Variants in HSDL2 observed in about 807,000 individuals in gnomAD.
HSDL2 encodes the protein hydroxysteroid dehydrogenase-like protein 2.
HSDL2 carries 27 observed loss-of-function variants against 46.3 expected under a neutral mutation model. That is an observed-to-expected ratio of 0.58 (90% CI 0.43 to 0.80). The LOEUF is 0.80. HSDL2 is among the 30% of genes least tolerant of loss of function. The pLI is 0.00. For synonymous variants in HSDL2, 153 were observed against 163.6 expected (o/e 0.94, Z 0.50); for missense variants, 451 against 502.7 (o/e 0.90, Z 0.98).
intron 6 of HSDL2, among the ~76,000 whole-genome samples, chr9:112,432,666 G>A (rs1198604098): frequency 6.6e-6 from 1 of 152,198 alleles, no homozygotes; most frequent in Non-Finnish European, 1.5e-5. Context: ...TAGACATCTT[G>A]GAGCCAGTGA....
At chr9:112,413,399 C>A (rs1438860799) in intron 4 of HSDL2, among the ~76,000 whole-genome samples, 1 of 151,962 alleles carries the variant, frequency 6.6e-6, no homozygotes, top group Non-Finnish European at 1.5e-5. Context: ...GTTGCTTGAA[C>A]CCAAGAGGCA....
rs1310547329 is a variant in HSDL2, at chr9:112,416,828, C to T, written c.396-13C>T. The T allele has an allele frequency of 2.3e-6, 3 of 1,311,518 alleles. No homozygotes were observed. The highest frequency in any genetic ancestry group is 1.3e-5 in the South Asian group (1 of 79,728). The allele number at this position is 1,311,518 out of a possible 1,614,324, so 81.2% of individuals were successfully genotyped here. On this transcript the variant is annotated splice_polypyrimidine_tract_variant and intron_variant, in intron 4 of 10. Transcript: ENST00000398805. Reference sequence around the variant, plus strand: ...AGCTATTAAATTTGGCTTGTATTTTCTTTTGCTTTCAGATCTAAAGCATGT... The same window carrying T: ...AGCTATTAAATTTGGCTTGTATTTTTTTTTGCTTTCAGATCTAAAGCATGT...
At chr9:112,401,971 T>C (rs974515585) in intron 1 of HSDL2, among the ~76,000 whole-genome samples, 5 of 152,196 alleles carry the variant, frequency 3.3e-5, no homozygotes, top group African/African-American at 1.2e-4. Flanking sequence ...TAAAACCGCT[T>C]CCCACTTTTA....
intron 10 of HSDL2, 137 bp downstream of exon 10, chr9:112,459,714 T>C: frequency 1.5e-6 from 1 of 684,416 alleles, no homozygotes. Context: ...AAGGCTGTTC[T>C]TACTGTTGCC....
At chr9:112,439,694 G>A (rs745576576) in intron 7 of HSDL2, among the ~76,000 whole-genome samples, 15 of 152,168 alleles carry the variant, frequency 9.9e-5, no homozygotes, top group South Asian at 4.1e-4. Context: ...AGTAAATAGC[G>A]GATTATAGTT....
At chr9:112,449,341 C>T (rs1372681165) in intron 8 of HSDL2, among the ~76,000 whole-genome samples, 3 of 152,078 alleles carry the variant, frequency 2.0e-5, no homozygotes, top group African/African-American at 7.2e-5. Context: ...CCCACCTTGG[C>T]TTCCCAAAGT....
chr9:112,462,183 G>T (rs1420753691), intron 10 of HSDL2, among the ~76,000 whole-genome samples: 1 of 152,118 alleles, frequency 6.6e-6, no homozygotes, highest in Admixed American at 6.6e-5. Context: ...AAAAATTTAG[G>T]CCAGGCGTGG....
chr9:112,466,283 A>G (rs1833375121), intron 10 of HSDL2, among the ~76,000 whole-genome samples: 1 of 152,138 alleles, frequency 6.6e-6, no homozygotes, highest in South Asian at 2.1e-4. Flanking sequence ...GGCCAGGCGC[A>G]GTGGCTCACC....
intron 8 of HSDL2, among the ~76,000 whole-genome samples, chr9:112,448,967 A>G (rs1832813745): frequency 6.6e-6 from 1 of 150,996 alleles, no homozygotes; most frequent in Non-Finnish European, 1.5e-5. Flanking sequence ...GGCTTTTTAA[A>G]AAATAAAAAC....
chr9:112,436,290 A>G (rs1041856918), intron 6 of HSDL2, among the ~76,000 whole-genome samples: 13 of 149,602 alleles, frequency 8.7e-5, no homozygotes, highest in African/African-American at 2.7e-4. Context: ...AATGATTTTT[A>G]GTTATGAAGT....
chr9:112,460,858 A>G (rs538665324), intron 10 of HSDL2, among the ~76,000 whole-genome samples: 1 of 152,218 alleles, frequency 6.6e-6, no homozygotes, highest in South Asian at 2.1e-4. Context: ...AAACCAAAAT[A>G]TGGTTTAGCA....
At chr9:112,380,587 G>T (rs1831063031) in intron 1 of HSDL2, among the ~76,000 whole-genome samples, 2 of 152,116 alleles carry the variant, frequency 1.3e-5, no homozygotes, top group African/African-American at 2.4e-5. Context: ...CAATTCTAGA[G>T]TAATAATGGA....
chr9:112,457,004 C>T (rs1387322390), intron 9 of HSDL2, among the ~76,000 whole-genome samples: 5 of 152,038 alleles, frequency 3.3e-5, no homozygotes, highest in African/African-American at 1.2e-4. Flanking sequence ...AAAAATTAGC[C>T]GGGCTTGGTG....
intron 6 of HSDL2, among the ~76,000 whole-genome samples, chr9:112,426,546 T>G (rs1832251191): frequency 6.6e-6 from 1 of 152,136 alleles, no homozygotes; most frequent in South Asian, 2.1e-4. Flanking sequence ...CTGGCAAGGT[T>G]TCTATGCAGT....
chr9:112,430,376 A>G (rs1275895962), intron 6 of HSDL2, among the ~76,000 whole-genome samples: 1 of 152,156 alleles, frequency 6.6e-6, no homozygotes, highest in Non-Finnish European at 1.5e-5. Flanking sequence ...AGGGAAGAGG[A>G]GTAGAAAATG....
intron 1 of HSDL2, among the ~76,000 whole-genome samples, chr9:112,400,915 A>G (rs145633099): frequency 1.5e-3 from 233 of 152,310 alleles, no homozygotes; most frequent in African/African-American, 4.9e-3. Context: ...GCCTACTCCA[A>G]TATGACTTCA....
intron 1 of HSDL2, among the ~76,000 whole-genome samples, chr9:112,391,193 T>A (rs1040633294): frequency 6.6e-6 from 1 of 151,192 alleles, no homozygotes; most frequent in Admixed American, 6.6e-5. Flanking sequence ...ATAATAATAA[T>A]AATAATAATT....
chr9:112,396,730 T>C (rs190812493), intron 1 of HSDL2, among the ~76,000 whole-genome samples: 1 of 152,088 alleles, frequency 6.6e-6, no homozygotes, highest in East Asian at 1.9e-4. Context: ...TGAGGACAAT[T>C]AAAGGGAAAG....
At chr9:112,438,823 G>C in intron 7 of HSDL2, 198 bp downstream of exon 7, 2 of 374,192 alleles carry the variant, frequency 5.3e-6, no homozygotes, top group Non-Finnish European at 9.1e-6. Context: ...GTGAGTTGAG[G>C]GCTTTTGAAG....
Sources: gnomAD v4.1 joint callset for allele counts (sites outside exome capture counted in the v4.1 genomes callset) on GRCh38, gnomAD v4.1.1 for gene constraint, MANE v1.5 for transcripts, NCBI Gene and HGNC (gene_info 2026-07-23, HGNC 2026-07-21) for gene names.